COL10A1: variants seen among roughly 807,000 people sequenced by gnomAD.
COL10A1 encodes collagen type X alpha 1 chain, also known as collagen alpha-1(X) chain.
COL10A1 carries 10 observed loss-of-function variants against 18.2 expected under a neutral mutation model. That is an observed-to-expected ratio of 0.55 (90% CI 0.34 to 0.93). COL10A1 has a LOEUF of 0.93. Among genes scored for constraint, COL10A1 ranks in the 40% least tolerant of loss-of-function variants. COL10A1 has a pLI of 0.02. For missense variants in COL10A1, 897 were observed against 853.5 expected, an observed-to-expected ratio of 1.05 and a Z score of -0.64; for synonymous variants, 330 against 316.6, an observed-to-expected ratio of 1.04 and a Z score of -0.45.
upstream of COL10A1, among the ~76,000 whole-genome samples, chr6:116,129,039 T>C (rs1779397308): frequency 6.6e-6 from 1 of 152,170 alleles, no homozygotes. Flanking sequence ...CATTCACCAC[T>C]CCTTCAAATT....
upstream of COL10A1, among the ~76,000 whole-genome samples, chr6:116,161,669 G>C (rs536065888): frequency 3.7e-4 from 57 of 152,226 alleles, no homozygotes; most frequent in African/African-American, 1.3e-3. Context: ...TGTAATGCTT[G>C]CAAGTTTATT....
At chr6:116,171,638 C>T in the COL10A1 span, among the ~76,000 whole-genome samples, 1 of 152,138 alleles carries the variant, frequency 6.6e-6, no homozygotes, top group Non-Finnish European at 1.5e-5. Context: ...TTTGACTTGG[C>T]TGAATTCTCT....
At chr6:116,204,977 TAA>T in the COL10A1 span, among the ~76,000 whole-genome samples, 1 of 151,996 alleles carries the variant, frequency 6.6e-6, no homozygotes, top group Non-Finnish European at 1.5e-5. Flanking sequence ...TGTAAGTCCA[TAA>T]CACCTTATTG....
the COL10A1 span, among the ~76,000 whole-genome samples, chr6:116,189,773 A>C: frequency 6.6e-6 from 1 of 152,050 alleles, no homozygotes; most frequent in African/African-American, 2.4e-5. Flanking sequence ...GATGGATACA[A>C]AAATCCATTC....
At chr6:116,213,978 C>T in the COL10A1 span, among the ~76,000 whole-genome samples, 1 of 152,108 alleles carries the variant, frequency 6.6e-6, no homozygotes, top group Non-Finnish European at 1.5e-5. Flanking sequence ...CCTCCCGCCT[C>T]ACCTTCCCAA....
the COL10A1 span, among the ~76,000 whole-genome samples, chr6:116,182,639 ATGT>A: frequency 6.6e-6 from 1 of 152,124 alleles, no homozygotes; most frequent in African/African-American, 2.4e-5. Context: ...ATCGCTAGTG[ATGT>A]TGAGCATTTT....
intron 1 of COL10A1, among the ~76,000 whole-genome samples, chr6:116,139,223 T>TGGA (rs1779702507): frequency 6.6e-6 from 1 of 152,122 alleles, no homozygotes; most frequent in African/African-American, 2.4e-5. Context: ...TATCAAAGTG[T>TGGA]GGATTTTTTG....
chr6:116,132,670 A>G (rs2114335651), intron 1 of COL10A1, among the ~76,000 whole-genome samples: 1 of 152,108 alleles, frequency 6.6e-6, no homozygotes, highest in East Asian at 1.9e-4. Context: ...TGATGTGACA[A>G]GCTGTTGGCG....
In COL10A1 at chr6:116,120,015, G is replaced by A. The variant is rs1779059778; in HGVS notation, c.*58C>T. 5 of 1,382,482 alleles carry A rather than the reference G, an allele frequency of 3.6e-6. No homozygotes were observed. Among genetic ancestry groups the A allele is most frequent in the Non-Finnish European group, 5.1e-6 (5 of 971,224 alleles). The allele number at this position is 1,382,482 out of a possible 1,614,324, so 85.6% of individuals were successfully genotyped here. A position where few individuals can be genotyped will look rare whatever the true frequency, so the allele number is the denominator to read the frequency against. On this transcript the variant is annotated 3_prime_UTR_variant, in exon 3 of 3. Coordinates refer to ENST00000651968, the MANE Select transcript of COL10A1 (RefSeq NM_000493.4). The stretch of plus-strand genomic sequence containing the variant: ...TACCTCCATATGCATTTTGTAGGGT[G>A]GGGTAGAGTTAGAGAATGCTTTTTC...
At chr6:116,193,578 T>C in the COL10A1 span, among the ~76,000 whole-genome samples, 2 of 152,100 alleles carry the variant, frequency 1.3e-5, no homozygotes, top group Non-Finnish European at 2.9e-5. Flanking sequence ...TTTCATAAAC[T>C]GAAAGTCACT....
chr6:116,192,825 T>C, the COL10A1 span, among the ~76,000 whole-genome samples: 9 of 152,184 alleles, frequency 5.9e-5, no homozygotes, highest in African/African-American at 2.2e-4. Flanking sequence ...CCTGCTTCTT[T>C]GGCCTCCTAC....
At chr6:116,201,785 C>T in the COL10A1 span, among the ~76,000 whole-genome samples, 1 of 151,960 alleles carries the variant, frequency 6.6e-6, no homozygotes, top group Non-Finnish European at 1.5e-5. Flanking sequence ...GAGTATTTCC[C>T]CTTCTAGCCT....
At position 116,121,425 on chromosome 6, in the gene COL10A1, G is replaced by A. The variant is rs1347571481; in HGVS notation, c.691C>T (p.Pro231Ser). The A allele has an allele frequency of 6.2e-7, 1 of 1,614,076 alleles. No homozygotes were observed. The highest frequency in any genetic ancestry group is 1.1e-5 in the South Asian group (1 of 91,070). ...KRGENGVPGQ[P>S]GIKGDRGFPG... The stretch of plus-strand genomic sequence containing the variant: ...AAACCTCTATCACCTTTGATGCCTG[G>A]CTGTCCTGGAACCCCATTTTCACCT... Residue 231 changes from proline (P) to serine (S), a missense_variant, in exon 3 of 3, where the codon CCA becomes TCA. Pro to Ser is a moderately conservative substitution (Grantham distance 74, BLOSUM62 -1). Transcript: ENST00000651968.
At chr6:116,152,767 A>G (rs1780078861) in intron 1 of COL10A1, among the ~76,000 whole-genome samples, 1 of 152,124 alleles carries the variant, frequency 6.6e-6, no homozygotes, top group Non-Finnish European at 1.5e-5. Context: ...TTACAACTCT[A>G]ATATAGTTCT....
the COL10A1 span, among the ~76,000 whole-genome samples, chr6:116,213,561 C>T: frequency 6.6e-6 from 1 of 152,110 alleles, no homozygotes; most frequent in Non-Finnish European, 1.5e-5. Context: ...AACTCCAACT[C>T]TAGACATATG....
At chr6:116,181,168 C>T in the COL10A1 span, among the ~76,000 whole-genome samples, 1 of 151,804 alleles carries the variant, frequency 6.6e-6, no homozygotes, top group Non-Finnish European at 1.5e-5. Flanking sequence ...GTTATACTCA[C>T]CTCTCTACTG....
intron 1 of COL10A1, among the ~76,000 whole-genome samples, chr6:116,144,207 T>G (rs1779836296): frequency 6.6e-6 from 1 of 152,136 alleles, no homozygotes; most frequent in African/African-American, 2.4e-5. Context: ...CTTACAACAT[T>G]AAAGTGTAAA....
Position 116,122,343 on chromosome 6 carries a change from A to G in COL10A1, c.155-382T>C, listed in dbSNP as rs900596471. On this transcript the variant is annotated intron_variant, in intron 2 of 2. Coordinates refer to ENST00000651968, the MANE Select transcript of COL10A1 (RefSeq NM_000493.4). ...ATAAGTGAGAAAATGTTTAAGAACT[A>G]TAAAAATTTTCCCTCCCAAAGCTAC... is the stretch of plus-strand genomic sequence containing the variant. Among the ~76,000 whole-genome samples the G allele has an allele frequency of 3.3e-5, 5 of 152,338 alleles. No individual in the cohort carries two copies. The East Asian group carries it at 7.7e-4, about 24-fold the overall frequency.
At chr6:116,180,576 G>T in the COL10A1 span, among the ~76,000 whole-genome samples, 1 of 152,050 alleles carries the variant, frequency 6.6e-6, no homozygotes, top group Non-Finnish European at 1.5e-5. Context: ...CAGCCATTTT[G>T]TGCCTCATGA....
Sources: allele counts gnomAD v4.1 joint callset (sites outside exome capture counted in the v4.1 genomes callset), GRCh38; gene constraint gnomAD v4.1.1; transcripts MANE v1.5; gene names NCBI Gene and HGNC (gene_info 2026-07-23, HGNC 2026-07-21).